COL26A1: variants seen among roughly 807,000 people sequenced by gnomAD.
COL26A1 encodes the protein collagen alpha-1(XXVI) chain.
In COL26A1, 41 loss-of-function variants were observed where a neutral mutation model predicts 59.3. The ratio of observed to expected loss-of-function variants is 0.69; its 90% CI spans 0.54 to 0.90. The LOEUF (loss-of-function observed/expected upper bound fraction) is 0.90, where lower values mean the gene tolerates loss of function less well. Among genes scored for constraint, COL26A1 ranks in the 40% least tolerant of loss-of-function variants. COL26A1 has a pLI of 0.00. For synonymous variants in COL26A1, 266 were observed against 256.0 expected, an observed-to-expected ratio of 1.04 and a Z score of -0.37; for missense variants, 612 against 602.3, an observed-to-expected ratio of 1.02 and a Z score of -0.17.
intron 1 of COL26A1, among the ~76,000 whole-genome samples, chr7:101,382,206 A>G (rs908954232): frequency 1.3e-5 from 2 of 151,884 alleles, no homozygotes; most frequent in African/African-American, 4.8e-5. Context: ...ATGCTACCAT[A>G]TCTGGTCAAT....
At chr7:101,385,212 A>C (rs10263134) in intron 1 of COL26A1, among the ~76,000 whole-genome samples, 4 of 51,212 alleles carry the variant, frequency 7.8e-5, no homozygotes, top group Non-Finnish European at 1.8e-4. Context: ...GACACTATAT[A>C]TACACACACA....
chr7:101,461,533 G>A (rs1278344615), intron 3 of COL26A1, among the ~76,000 whole-genome samples: 1 of 151,576 alleles, frequency 6.6e-6, no homozygotes, highest in Non-Finnish European at 1.5e-5. Context: ...CCTCACCTCA[G>A]GTGATCCACC....
At chr7:101,555,733 C>T (rs759153264) in intron 11 of COL26A1, 54 bp from the exon 12 acceptor site, 207 of 1,392,660 alleles carry the variant, frequency 1.5e-4, no homozygotes, top group Non-Finnish European at 1.9e-4. Context: ...ATCAGGATGG[C>T]CCTGACCCCT....
At chr7:101,463,732 T>TGC (rs1793676630) in intron 3 of COL26A1, among the ~76,000 whole-genome samples, 1 of 102,934 alleles carries the variant, frequency 9.7e-6, no homozygotes, top group African/African-American at 3.8e-5. Context: ...CCTCCCTCTC[T>TGC]CCCCCCTCCC....
chr7:101,433,116 A>G (rs1415648303), intron 2 of COL26A1, among the ~76,000 whole-genome samples: 1 of 152,082 alleles, frequency 6.6e-6, no homozygotes, highest in Non-Finnish European at 1.5e-5. Context: ...TGAGGCCAGA[A>G]GTTTGAGACC....
chr7:101,489,792 T>G (rs990412671), intron 3 of COL26A1, among the ~76,000 whole-genome samples: 1 of 2,056 alleles, frequency 4.9e-4, no homozygotes, highest in East Asian at 4.0e-3. Context: ...CTTTCTTTCT[T>G]TCTTTCTTTC....
chr7:101,462,126 A>G (rs1793630024), intron 3 of COL26A1, among the ~76,000 whole-genome samples: 1 of 150,072 alleles, frequency 6.7e-6, no homozygotes, highest in South Asian at 2.1e-4. Context: ...TGGCCTCCCA[A>G]GTAGCTGAGA....
At chr7:101,500,546 G>A (rs183289257) in intron 3 of COL26A1, among the ~76,000 whole-genome samples, 5 of 152,244 alleles carry the variant, frequency 3.3e-5, no homozygotes, top group Admixed American at 3.3e-4. Flanking sequence ...GACCGGGCGC[G>A]GTGCCTCATG....
At chr7:101,399,157 T>C (rs1454174074) in intron 1 of COL26A1, among the ~76,000 whole-genome samples, 4 of 151,180 alleles carry the variant, frequency 2.6e-5, no homozygotes, top group African/African-American at 9.7e-5. Flanking sequence ...AATTTCAAAA[T>C]TAGCCAGGTG....
chr7:101,387,762 A>ATTTTT (rs1562958252), intron 1 of COL26A1, among the ~76,000 whole-genome samples: 5 of 30,984 alleles, frequency 1.6e-4, no homozygotes, highest in Non-Finnish European at 3.0e-4. Context: ...ATTTATATAT[A>ATTTTT]TATATATATA....
chr7:101,427,867 TG>T (rs1792684303), intron 2 of COL26A1, among the ~76,000 whole-genome samples: 1 of 152,066 alleles, frequency 6.6e-6, no homozygotes, highest in East Asian at 1.9e-4. Context: ...TGAAGCATTT[TG>T]GATGCTTTCA....
intron 3 of COL26A1, among the ~76,000 whole-genome samples, chr7:101,505,779 G>A (rs1370251534): frequency 2.6e-5 from 4 of 152,050 alleles, no homozygotes; most frequent in Non-Finnish European, 5.9e-5. Context: ...ATCTCCTTTG[G>A]CAACACCCTC....
At chr7:101,525,471 G>A (rs529138411) in intron 3 of COL26A1, among the ~76,000 whole-genome samples, 2 of 148,556 alleles carry the variant, frequency 1.3e-5, no homozygotes, top group Admixed American at 1.4e-4. Flanking sequence ...GTGAGCCACT[G>A]AGCCTGGCCT....
rs776930620 is a variant in COL26A1, at chr7:101,420,059, C to T, written c.241C>T (p.Gln81Ter). ...GSETVVQRVY[Q>*]SCRWPGPCAN... ...GGAGACGGTGGTCCAGCGCGTGTAC[C>T]AGAGCTGCCGGTGGCCGGGGCCCTG... Residue 81 changes from glutamine (Q) to a stop codon, truncating the protein, a stop_gained, in exon 2 of 13, where the codon CAG becomes TAG. Coordinates refer to ENST00000313669, the MANE Select transcript of COL26A1 (RefSeq NM_001278563.3). LOFTEE classifies it high-confidence loss of function. 1 of 1,613,054 alleles carries T rather than the reference C, an allele frequency of 6.2e-7. No individual in the cohort carries two copies.
At chr7:101,533,196 G>A in intron 4 of COL26A1, 53 bp downstream of exon 4, 1 of 1,344,086 alleles carries the variant, frequency 7.4e-7, no homozygotes, top group Non-Finnish European at 1.0e-6. Flanking sequence ...GACCTTGGGT[G>A]GTGGAGGGAG....
chr7:101,515,289 T>TTA (rs199703186), intron 3 of COL26A1, among the ~76,000 whole-genome samples: 10 of 151,584 alleles, frequency 6.6e-5, no homozygotes, highest in South Asian at 2.1e-4. Context: ...AAATATTTAT[T>TTA]TTTTTTTTGA....
At position 101,469,111 on chromosome 7, in the gene COL26A1, A is replaced by G. The variant is rs569854046; in HGVS notation, c.385+21324A>G. Among the ~76,000 whole-genome samples, 357 of 152,210 alleles carry G rather than the reference A, an allele frequency of 2.3e-3. 1 individual carries two copies. The highest frequency in any genetic ancestry group is 3.0e-3 in the Non-Finnish European group (201 of 68,020). ...GAAGGAATGCCTCTCTGAGTTTCAG[A>G]CCTGCCTCGTGGGGCCCTGGGGACA... On this transcript the variant is annotated intron_variant, in intron 3 of 12. Coordinates refer to ENST00000313669, the MANE Select transcript of COL26A1 (RefSeq NM_001278563.3).
intron 3 of COL26A1, among the ~76,000 whole-genome samples, chr7:101,461,841 G>T (rs945707086): frequency 2.0e-5 from 3 of 152,110 alleles, no homozygotes; most frequent in Non-Finnish European, 2.9e-5. Flanking sequence ...CAGTGTGCTG[G>T]CCCAGACTGG....
chr7:101,464,706 C>T (rs1391569184), intron 3 of COL26A1, among the ~76,000 whole-genome samples: 7 of 151,760 alleles, frequency 4.6e-5, no homozygotes, highest in Non-Finnish European at 8.8e-5. Context: ...CTACCGTGCC[C>T]GGCCTCTAAT....
Sources: gnomAD v4.1 joint callset for allele counts (sites outside exome capture counted in the v4.1 genomes callset) on GRCh38, gnomAD v4.1.1 for gene constraint, MANE v1.5 for transcripts, NCBI Gene and HGNC (gene_info 2026-07-23, HGNC 2026-07-21) for gene names.